GNAO1: variants seen among roughly 807,000 people sequenced by gnomAD.
GNAO1 encodes G protein subunit alpha o1.
For synonymous variants in GNAO1, 164 were observed against 180.7 expected (o/e 0.91, Z 0.74); for missense variants, 166 against 478.7 (o/e 0.35, Z 6.10).
chr16:56,191,820 C>T lies in GNAO1; in HGVS notation c.-416C>T. 4.4e-6 allele frequency: 1 copy of T among 227,410 alleles called. No homozygotes were observed. Among genetic ancestry groups the T allele is most frequent in the Non-Finnish European group, 8.6e-6 (1 of 116,824 alleles). The allele number at this position is 227,410 out of a possible 1,614,324, so 14.1% of individuals were successfully genotyped here. A position where few individuals can be genotyped will look rare whatever the true frequency, so the allele number is the denominator to read the frequency against. The stretch of plus-strand genomic sequence containing the variant: ...CCTCCTCCTCCTCCGGCAGCCGCGG[C>T]AGCAGGACCCACCCTGCCCCCCACC... On this transcript the variant is annotated 5_prime_UTR_variant, in exon 1 of 9. Transcript: ENST00000262493. The surrounding 1 kb of genome is among the most constrained non-coding windows in gnomAD (Gnocchi z 4.7).
intron 2 of GNAO1, among the ~76,000 whole-genome samples, chr16:56,258,913 A>G (rs1015831042): frequency 1.1e-4 from 17 of 152,162 alleles, no homozygotes; most frequent in African/African-American, 4.1e-4. Context: ...CCCCATTGTT[A>G]TTGCTTCTCA....
At chr16:56,298,952 T>C (rs1388184585) in intron 3 of GNAO1, among the ~76,000 whole-genome samples, 3 of 150,536 alleles carry the variant, frequency 2.0e-5, no homozygotes, top group Non-Finnish European at 4.4e-5. Context: ...ATAAAACATA[T>C]GAATATAAGG....
chr16:56,239,530 G>A (rs1290836590), intron 2 of GNAO1, among the ~76,000 whole-genome samples: 1 of 152,198 alleles, frequency 6.6e-6, no homozygotes, highest in Non-Finnish European at 1.5e-5. Context: ...CACAGGGACT[G>A]ACAAGGCACC....
intron 3 of GNAO1, among the ~76,000 whole-genome samples, chr16:56,308,690 C>T (rs1489852139): frequency 6.6e-6 from 1 of 152,114 alleles, no homozygotes; most frequent in African/African-American, 2.4e-5. Context: ...GGAACAGGAC[C>T]ACAGTTGGAG....
chr16:56,244,469 G>C (rs2036723657), intron 2 of GNAO1, among the ~76,000 whole-genome samples: 1 of 151,990 alleles, frequency 6.6e-6, no homozygotes, highest in Non-Finnish European at 1.5e-5. Flanking sequence ...AGTAACCCTG[G>C]TTACCTCCAG....
At chr16:56,274,341 C>A (rs1341598489) in intron 2 of GNAO1, among the ~76,000 whole-genome samples, 1 of 152,200 alleles carries the variant, frequency 6.6e-6, no homozygotes, top group Non-Finnish European at 1.5e-5. Flanking sequence ...TGGGGTGGTG[C>A]ACCAGTGGCC....
At chr16:56,247,213 C>T (rs557232290) in intron 2 of GNAO1, among the ~76,000 whole-genome samples, 94 of 152,342 alleles carry the variant, frequency 6.2e-4, no homozygotes, top group Admixed American at 2.2e-3. Context: ...AACAGAACTG[C>T]GCTAGCCTGT....
intron 2 of GNAO1, among the ~76,000 whole-genome samples, chr16:56,201,207 A>C (rs1232857143): frequency 6.6e-6 from 1 of 152,212 alleles, no homozygotes; most frequent in Non-Finnish European, 1.5e-5. Flanking sequence ...TCTAGGCAGG[A>C]AGTTCAGGGA....
chr16:56,309,092 C>T (rs1455255884), intron 3 of GNAO1, among the ~76,000 whole-genome samples: 3 of 152,100 alleles, frequency 2.0e-5, no homozygotes, highest in African/African-American at 7.2e-5. Flanking sequence ...GGAGACAGCC[C>T]CCTTCCCACC....
chr16:56,259,290 C>A (rs2036881585), intron 2 of GNAO1, among the ~76,000 whole-genome samples: 1 of 152,244 alleles, frequency 6.6e-6, no homozygotes, highest in Non-Finnish European at 1.5e-5. Flanking sequence ...GTCAAAGAGG[C>A]AAATGCCAGG....
At chr16:56,243,067 T>C (rs1429502220) in intron 2 of GNAO1, among the ~76,000 whole-genome samples, 2 of 151,872 alleles carry the variant, frequency 1.3e-5, no homozygotes, top group Non-Finnish European at 2.9e-5. Flanking sequence ...ATGCTTCTTA[T>C]AAGAATCTAA....
chr16:56,299,369 C>T (rs1317077599), intron 3 of GNAO1, among the ~76,000 whole-genome samples: 1 of 152,258 alleles, frequency 6.6e-6, no homozygotes, highest in African/African-American at 2.4e-5. Context: ...GGGCCTGCTT[C>T]CTCCGATCTG....
chr16:56,213,919 A>G lies in GNAO1; in HGVS notation c.161+21303A>G, dbSNP rs78969402. On this transcript the variant is annotated intron_variant, in intron 2 of 8. Transcript: ENST00000262493. ...CACTAAAGACAGGGGCGGGAAAGAA[A>G]TCCCCATCACAGACTCGTGTAGACC... 9.9e-3 allele frequency among the ~76,000 whole-genome samples: 1,507 copies of G among 152,172 alleles called. 50 individuals carry two copies. Among genetic ancestry groups the G allele is most frequent in the South Asian group, 0.071 (340 of 4,806 alleles).
chr16:56,261,578 GAAGAGACACA>G (rs1464499061), intron 2 of GNAO1, among the ~76,000 whole-genome samples: 1 of 152,220 alleles, frequency 6.6e-6, no homozygotes, highest in East Asian at 1.9e-4. Context: ...CTGTAATGTA[GAAGAGACACA>G]AGGGAGTGAA....
rs143371239 is a variant in GNAO1 at position 56,241,367 on chromosome 16, C to T, written c.162-34564C>T. ...GCAGCACTGACTGCACACAGCATGC[C>T]ACTCAGTCACTGAGGAGGGGAAGTG... On this transcript the variant is annotated intron_variant, in intron 2 of 8. Transcript: ENST00000262493. 7.2e-4 allele frequency among the ~76,000 whole-genome samples: 109 copies of T among 152,322 alleles called. 3 individuals carry two copies. The East Asian group carries it at 0.019, about 27-fold the overall frequency.
intron 3 of GNAO1, among the ~76,000 whole-genome samples, chr16:56,322,691 G>A (rs948698370): frequency 2.6e-5 from 4 of 152,112 alleles, no homozygotes; most frequent in Non-Finnish European, 4.4e-5. Context: ...AGAGCTGCTG[G>A]CTGTGGCACA....
intron 6 of GNAO1, chr16:56,343,970 C>T (rs1426393223): frequency 3.1e-6 from 5 of 1,609,596 alleles, no homozygotes; most frequent in East Asian, 2.2e-5. Flanking sequence ...CCCTGCCCGG[C>T]ACCCTTGCCC....
chr16:56,295,136 G>A (rs557685406), intron 3 of GNAO1, among the ~76,000 whole-genome samples: 24 of 152,184 alleles, frequency 1.6e-4, no homozygotes, highest in African/African-American at 4.8e-4. Context: ...CAGCTTCCAC[G>A]TCTAGTCCAT....
intron 2 of GNAO1, among the ~76,000 whole-genome samples, chr16:56,258,032 TAAAAA>T (rs1368806179): frequency 2.0e-5 from 3 of 152,078 alleles, no homozygotes; most frequent in African/African-American, 7.2e-5. Context: ...AGGAAAAAAA[TAAAAA>T]GAAAAGAAAA....
Sources: gnomAD v4.1 joint callset for allele counts (sites outside exome capture counted in the v4.1 genomes callset) on GRCh38, gnomAD v4.1.1 for gene constraint, Gnocchi (gnomAD v3.1) non-coding constraint, MANE v1.5 for transcripts, NCBI Gene and HGNC (gene_info 2026-07-23, HGNC 2026-07-21) for gene names.